Variants in DIP2B observed in about 807,000 individuals in gnomAD.
DIP2B encodes disco-interacting protein 2 homolog B.
DIP2B carries 76 observed loss-of-function variants against 198.0 expected under a neutral mutation model. The observed-to-expected ratio is 0.38, with a 90% CI of 0.32 to 0.46. The LOEUF (loss-of-function observed/expected upper bound fraction) is 0.46. Ranked by LOEUF, DIP2B falls within the 20% of genes least tolerant of loss-of-function variation. The pLI, the probability that DIP2B is intolerant of heterozygous loss-of-function variation, is 0.99. For synonymous variants in DIP2B, 701 were observed against 739.1 expected (o/e 0.95, Z 0.84); for missense variants, 1,559 against 1,978.4 (o/e 0.79, Z 4.02).
At chr12:50,692,829 C>T in intron 13 of DIP2B, 120 bp from the exon 14 acceptor site, 1 of 815,652 alleles carries the variant, frequency 1.2e-6, no homozygotes, top group South Asian at 1.6e-5. Context: ...AGAGGTGAGA[C>T]TCCATCTAAA....
In DIP2B at chr12:50,744,198, C is replaced by T. The variant is rs112073191; in HGVS notation, c.4479-389C>T. 6.2e-4 allele frequency among the ~76,000 whole-genome samples: 95 copies of T among 152,194 alleles called. 1 individual carries two copies. The highest frequency in any genetic ancestry group is 2.2e-3 in the African/African-American group (92 of 41,538). Reference sequence around the variant, plus strand: ...TGTATTTTTAGTAGAGGCGGGATTTCGCCATGTTGGCCAGGCTGGTCTCGA... The same window carrying T: ...TGTATTTTTAGTAGAGGCGGGATTTTGCCATGTTGGCCAGGCTGGTCTCGA... On this transcript the variant is annotated intron_variant, in intron 37 of 37. Coordinates refer to ENST00000301180, the MANE Select transcript of DIP2B (RefSeq NM_173602.3).
At position 50,726,847 on chromosome 12, in the gene DIP2B, T is replaced by G. The variant is rs372165729; in HGVS notation, c.3401-856T>G. Among the ~76,000 whole-genome samples the G allele has an allele frequency of 7.9e-5, 12 of 152,162 alleles. No homozygotes were observed. The East Asian group carries it at 2.1e-3, about 27-fold the overall frequency. ...TGCCAGGTTAGCCAGGTGCAGTGGC[T>G]CATGGTTGTAATGCCAGCACTCTGA... is the stretch of plus-strand genomic sequence containing the variant. On this transcript the variant is annotated intron_variant, in intron 28 of 37. Transcript: ENST00000301180.
intron 1 of DIP2B, among the ~76,000 whole-genome samples, chr12:50,570,686 C>T (rs1200204171): frequency 6.6e-6 from 1 of 152,182 alleles, no homozygotes; most frequent in Non-Finnish European, 1.5e-5. Context: ...ATGGGCTGGG[C>T]AACAAGAGTG....
chr12:50,555,939 G>A (rs1424628033), intron 1 of DIP2B, among the ~76,000 whole-genome samples: 1 of 152,086 alleles, frequency 6.6e-6, no homozygotes. Flanking sequence ...AAACTATTCT[G>A]AACAGCAGCA....
intron 1 of DIP2B, among the ~76,000 whole-genome samples, chr12:50,574,737 C>T (rs1958643596): frequency 1.3e-5 from 2 of 152,192 alleles, no homozygotes; most frequent in African/African-American, 2.4e-5. Context: ...GTTCCCTCTT[C>T]CATGCATGGC....
intron 1 of DIP2B, among the ~76,000 whole-genome samples, chr12:50,559,190 A>C (rs1958496460): frequency 6.6e-6 from 1 of 151,518 alleles, no homozygotes; most frequent in Admixed American, 6.6e-5. Context: ...CTTCTTATTA[A>C]CTCCTCTCCA....
chr12:50,521,696 G>T (rs1235765001), intron 1 of DIP2B, among the ~76,000 whole-genome samples: 1 of 150,928 alleles, frequency 6.6e-6, no homozygotes. Context: ...GGGTTTCTCC[G>T]TGTTAGCCAG....
chr12:50,580,114 G>C (rs10459233), intron 1 of DIP2B, among the ~76,000 whole-genome samples: 43,182 of 148,038 alleles, frequency 0.29, 8,267 homozygotes, highest in East Asian at 0.61. Flanking sequence ...CATATCACGT[G>C]GACTTGAATC....
intron 1 of DIP2B, among the ~76,000 whole-genome samples, chr12:50,544,775 G>A (rs752266664): frequency 6.6e-6 from 1 of 151,834 alleles, no homozygotes; most frequent in Non-Finnish European, 1.5e-5. Flanking sequence ...GTGCCACCAC[G>A]CCCGGCTAAT....
chr12:50,671,610 T>C (rs538420265), intron 5 of DIP2B, among the ~76,000 whole-genome samples: 8 of 152,358 alleles, frequency 5.3e-5, no homozygotes, highest in African/African-American at 1.9e-4. Context: ...GTGCGTAGTT[T>C]TGCCCACCTG....
chr12:50,730,694 TACTA>T (rs1430470411), intron 30 of DIP2B, among the ~76,000 whole-genome samples: 5 of 152,158 alleles, frequency 3.3e-5, no homozygotes, highest in African/African-American at 1.2e-4. Context: ...GCCACTTGAA[TACTA>T]TTAATATTTC....
At chr12:50,694,779 A>T (rs1939281438) in intron 14 of DIP2B, among the ~76,000 whole-genome samples, 1 of 151,612 alleles carries the variant, frequency 6.6e-6, no homozygotes, top group Admixed American at 6.6e-5. Context: ...TTTTTGTAGT[A>T]GCAAAAAATT....
At chr12:50,538,932 T>G (rs978937949) in intron 1 of DIP2B, among the ~76,000 whole-genome samples, 1 of 152,304 alleles carries the variant, frequency 6.6e-6, no homozygotes, top group African/African-American at 2.4e-5. Flanking sequence ...TCCTTTTAGG[T>G]CTTACTCAAC....
chr12:50,605,959 T>C (rs1327878017), intron 1 of DIP2B, among the ~76,000 whole-genome samples: 1 of 152,100 alleles, frequency 6.6e-6, no homozygotes, highest in African/African-American at 2.4e-5. Context: ...GTAGCTGGGA[T>C]TACAGGTGTG....
At chr12:50,520,123 C>T (rs919798621) in intron 1 of DIP2B, among the ~76,000 whole-genome samples, 15 of 149,360 alleles carry the variant, frequency 1.0e-4, no homozygotes, top group East Asian at 4.0e-4. Context: ...CTGCAGCCTC[C>T]GCCTCCTGGG....
At chr12:50,667,798 T>C (rs1464860353) in intron 4 of DIP2B, among the ~76,000 whole-genome samples, 1 of 152,202 alleles carries the variant, frequency 6.6e-6, no homozygotes, top group African/African-American at 2.4e-5. Context: ...CAAAAAGAAA[T>C]ACACATTCCT....
chr12:50,711,333 T>C (rs756083042), intron 22 of DIP2B, among the ~76,000 whole-genome samples: 7 of 152,176 alleles, frequency 4.6e-5, no homozygotes, highest in Non-Finnish European at 1.0e-4. Context: ...CTCAGCACTT[T>C]CTAAGGAAAG....
In DIP2B at chr12:50,570,666, C is replaced by T. The variant is rs190102351; in HGVS notation, c.101-55310C>T. Among the ~76,000 whole-genome samples the T allele has an allele frequency of 2.0e-4, 31 of 152,350 alleles. No homozygotes were observed. In the East Asian group the frequency reaches 6.0e-3, roughly 29 times the overall value. On this transcript the variant is annotated intron_variant, in intron 1 of 37. Coordinates refer to ENST00000301180, the MANE Select transcript of DIP2B (RefSeq NM_173602.3). Reference sequence around the variant, plus strand: ...CAGAAGTTACAATGAGCCGAGATCGCGCCACTGCGATGGGCTGGGCAACAA... The same window carrying T: ...CAGAAGTTACAATGAGCCGAGATCGTGCCACTGCGATGGGCTGGGCAACAA...
At chr12:50,647,280 C>T (rs976206381) in intron 3 of DIP2B, among the ~76,000 whole-genome samples, 2 of 152,020 alleles carry the variant, frequency 1.3e-5, no homozygotes, top group Non-Finnish European at 2.9e-5. Flanking sequence ...TTTCTCCCCC[C>T]CGCCCAAAAC....
Sources: gnomAD v4.1 joint callset for allele counts (sites outside exome capture counted in the v4.1 genomes callset) on GRCh38, gnomAD v4.1.1 for gene constraint, MANE v1.5 for transcripts, NCBI Gene and HGNC (gene_info 2026-07-23, HGNC 2026-07-21) for gene names.